PDE8A: variants seen among roughly 807,000 people sequenced by gnomAD.
PDE8A encodes phosphodiesterase 8A, also known as high affinity cAMP-specific and IBMX-insensitive 3',5'-cyclic phosphodiesterase 8A.
Under a neutral mutation model 105.0 loss-of-function variants are expected in PDE8A, and 59 were observed. That is an observed-to-expected ratio of 0.56 (90% CI 0.46 to 0.70). PDE8A has a LOEUF of 0.70. PDE8A is among the 30% of genes least tolerant of loss of function. The pLI is 0.00. For synonymous variants in PDE8A, 355 were observed against 371.9 expected, an observed-to-expected ratio of 0.95 and a Z score of 0.52; for missense variants, 1,014 against 1,045.9, an observed-to-expected ratio of 0.97 and a Z score of 0.42.
chr15:85,066,571 C>T (rs1283780933), intron 2 of PDE8A, among the ~76,000 whole-genome samples: 1 of 147,426 alleles, frequency 6.8e-6, no homozygotes, highest in Non-Finnish European at 1.5e-5. Context: ...TGCCCACCCA[C>T]CATCCCCCCA....
intron 1 of PDE8A, among the ~76,000 whole-genome samples, chr15:85,040,144 G>GA (rs1265222690): frequency 6.6e-6 from 1 of 151,138 alleles, no homozygotes; most frequent in Non-Finnish European, 1.5e-5. Context: ...ATATGTTAAA[G>GA]AAAAAAAAGA....
chr15:85,089,545 G>T (rs1258110265), intron 7 of PDE8A, 129 bp downstream of exon 7: 1 of 540,816 alleles, frequency 1.8e-6, no homozygotes, highest in Non-Finnish European at 3.3e-6. Flanking sequence ...TTCCTTCGAG[G>T]ATTATCAGAA....
Position 84,982,189 on chromosome 15 carries a change from T to C in PDE8A, c.27T>C (p.Ile9=). The C allele has an allele frequency of 6.7e-7, 1 of 1,483,938 alleles. No individual in the cohort carries two copies. The allele number at this position is 1,483,938 out of a possible 1,614,324, so 91.9% of individuals were successfully genotyped here. MGCAPSIH[I]SERLVAEDAP... is the part of the protein sequence containing the mutation. ...TGGGCTGTGCCCCGAGCATCCACAT[T>C]TCCGAGCGCCTGGTGGCCGAGGACG... is the stretch of plus-strand genomic sequence containing the variant. Residue 9 remains isoleucine, a synonymous_variant, in exon 1 of 22, where the codon ATT becomes ATC. Transcript: ENST00000394553.
At chr15:85,133,083 G>A (rs1053041444) in intron 20 of PDE8A, among the ~76,000 whole-genome samples, 1 of 152,174 alleles carries the variant, frequency 6.6e-6, no homozygotes, top group African/African-American at 2.4e-5. Flanking sequence ...CATCATGAAA[G>A]TTTAAAGTTT....
intron 1 of PDE8A, among the ~76,000 whole-genome samples, chr15:84,987,768 C>T (rs755203099): frequency 2.0e-5 from 3 of 151,982 alleles, no homozygotes; most frequent in South Asian, 2.1e-4. Context: ...TGAGCCACCG[C>T]GCCCGGCCTT....
chr15:85,011,692 A>G (rs2080241726), intron 1 of PDE8A, among the ~76,000 whole-genome samples: 1 of 152,334 alleles, frequency 6.6e-6, no homozygotes, highest in South Asian at 2.1e-4. Flanking sequence ...CAAAATTGAC[A>G]CATGGGATCT....
rs199538445 is a variant in PDE8A, at chr15:85,062,015, T to A, written c.187-2355T>A. Among the ~76,000 whole-genome samples, 4 of 152,322 alleles carry A rather than the reference T, an allele frequency of 2.6e-5. No homozygotes were observed. The East Asian group carries it at 7.7e-4, about 29-fold the overall frequency. ...TTCGTACATCATTTTCTTGACTTTC[T>A]CCACATCTTTCTTTAGTTCTTTTAG... On this transcript the variant is annotated intron_variant, in intron 1 of 21. Coordinates refer to ENST00000394553, the MANE Select transcript of PDE8A (RefSeq NM_002605.3).
At chr15:85,020,970 T>C (rs1455985567) in intron 1 of PDE8A, among the ~76,000 whole-genome samples, 1 of 152,198 alleles carries the variant, frequency 6.6e-6, no homozygotes, top group Non-Finnish European at 1.5e-5. Flanking sequence ...TTGTAGCTGC[T>C]ATGGTCTCAA....
At position 85,137,885 on chromosome 15, in the gene PDE8A, C is replaced by T; in HGVS notation, c.2472C>T (p.Leu824=). 2 of 1,607,182 alleles carry T rather than the reference C, an allele frequency of 1.2e-6. No homozygotes were observed. The highest frequency in any genetic ancestry group is 1.1e-5 in the South Asian group (1 of 90,916). ...TGGACGAAATGAAGCTGCGGAACCT[C>T]CGACCACCTCCTGAATAGTGGGAGA... ...KGLDEMKLRN[L]RPPPE is the part of the protein sequence containing the mutation. The change falls in exon 22 of 22, where the codon CTC becomes CTT. Residue 824 remains leucine, a synonymous_variant. Coordinates refer to ENST00000394553, the MANE Select transcript of PDE8A (RefSeq NM_002605.3).
rs373759070 is a variant in PDE8A at position 84,983,728 on chromosome 15, C to A, written c.186+1380C>A. Among the ~76,000 whole-genome samples the A allele has an allele frequency of 4.6e-5, 7 of 152,236 alleles. No homozygotes were observed. The East Asian group carries it at 9.6e-4, about 21-fold the overall frequency. ...TGCATATGGAAACTTTAACAGCTTTCAAGTTTTCAGTCCAAATCTAACATT... is the reference window on the plus strand; with the variant it reads ...TGCATATGGAAACTTTAACAGCTTTAAAGTTTTCAGTCCAAATCTAACATT... On this transcript the variant is annotated intron_variant, in intron 1 of 21. Coordinates refer to ENST00000394553, the MANE Select transcript of PDE8A (RefSeq NM_002605.3).
intron 4 of PDE8A, among the ~76,000 whole-genome samples, chr15:85,076,143 A>C (rs982271439): frequency 2.0e-5 from 3 of 152,220 alleles, no homozygotes; most frequent in African/African-American, 7.2e-5. Context: ...TTCACTTTAG[A>C]AACAGGCGAA....
intron 1 of PDE8A, among the ~76,000 whole-genome samples, chr15:85,008,240 T>C (rs2080180074): frequency 6.6e-6 from 1 of 152,088 alleles, no homozygotes; most frequent in South Asian, 2.1e-4. Flanking sequence ...TGTGCCTGCA[T>C]AGTCAGTGGC....
At chr15:85,018,620 T>C (rs1374871494) in intron 1 of PDE8A, among the ~76,000 whole-genome samples, 6 of 152,232 alleles carry the variant, frequency 3.9e-5, no homozygotes, top group Non-Finnish European at 8.8e-5. Flanking sequence ...ATATATCTTA[T>C]GCTTTCTTTA....
intron 4 of PDE8A, 149 bp downstream of exon 4, chr15:85,076,067 C>T (rs1273376316): frequency 1.9e-6 from 1 of 529,672 alleles, no homozygotes; most frequent in Non-Finnish European, 3.4e-6. Flanking sequence ...TATTTTGCTG[C>T]TTCAGTTAAC....
intron 1 of PDE8A, among the ~76,000 whole-genome samples, chr15:85,039,109 G>T (rs550423271): frequency 2.2e-5 from 3 of 138,686 alleles, no homozygotes; most frequent in African/African-American, 8.4e-5. Context: ...TAACAAGAGC[G>T]AAACTCCATC....
Position 84,982,155 on chromosome 15 carries a change from C to T in PDE8A, c.-8C>T. 7.4e-7 allele frequency: 1 copy of T among 1,348,356 alleles called. No individual in the cohort carries two copies. The highest frequency in any genetic ancestry group is 1.5e-5 in the African/African-American group (1 of 65,642). 83.5% of individuals were successfully genotyped at this position (1,348,356 alleles called of 1,614,324 possible). ...ACCCGCCAGCGTGTCCGCGGCGCCG[C>T]CGCCAGCATGGGCTGTGCCCCGAGC... On this transcript the variant is annotated 5_prime_UTR_variant, in exon 1 of 22. Coordinates refer to ENST00000394553, the MANE Select transcript of PDE8A (RefSeq NM_002605.3).
At chr15:85,012,350 A>G (rs2080252967) in intron 1 of PDE8A, among the ~76,000 whole-genome samples, 1 of 152,180 alleles carries the variant, frequency 6.6e-6, no homozygotes, top group Non-Finnish European at 1.5e-5. Context: ...CATATACACC[A>G]TGGAATACTA....
At chr15:85,095,881 T>TTA (rs201009571) in intron 8 of PDE8A, among the ~76,000 whole-genome samples, 13,619 of 148,500 alleles carry the variant, frequency 0.092, 1,673 homozygotes, top group African/African-American at 0.29. Context: ...TATATTTTTT[T>TTA]TATATATATA....
intron 1 of PDE8A, among the ~76,000 whole-genome samples, chr15:85,036,540 A>G (rs978654604): frequency 5.9e-5 from 9 of 152,158 alleles, no homozygotes; most frequent in Admixed American, 3.9e-4. Context: ...GAGCCCACAT[A>G]CACTTTGGCT....
Sources: gnomAD v4.1 joint callset for allele counts (sites outside exome capture counted in the v4.1 genomes callset) on GRCh38, gnomAD v4.1.1 for gene constraint, MANE v1.5 for transcripts, NCBI Gene and HGNC (gene_info 2026-07-23, HGNC 2026-07-21) for gene names.